PCCA: variants seen among roughly 807,000 people sequenced by gnomAD.
The protein encoded by PCCA is propionyl-CoA carboxylase alpha chain, mitochondrial.
In PCCA, 74 loss-of-function variants were observed where a neutral mutation model predicts 101.3. The ratio of observed to expected loss-of-function variants is 0.73; its 90% confidence interval spans 0.61 to 0.89. PCCA has a LOEUF of 0.89. PCCA is among the 40% of genes least tolerant of loss of function. PCCA has a pLI of 0.00. For synonymous variants in PCCA, 294 were observed against 313.6 expected, an observed-to-expected ratio of 0.94 and a Z score of 0.66; for missense variants, 891 against 907.0, an observed-to-expected ratio of 0.98 and a Z score of 0.23.
intron 19 of PCCA, among the ~76,000 whole-genome samples, chr13:100,372,358 A>AAAAC (rs1259877372): frequency 1.3e-5 from 2 of 151,856 alleles, no homozygotes; most frequent in African/African-American, 4.8e-5. Flanking sequence ...TCTCAAAAAC[A>AAAAC]AAACAAAACA....
At chr13:100,503,759 T>C (rs1378884827) in intron 21 of PCCA, among the ~76,000 whole-genome samples, 2 of 151,968 alleles carry the variant, frequency 1.3e-5, no homozygotes, top group African/African-American at 4.8e-5. Context: ...TAAAAAAAAA[T>C]TAGCCGGGCA....
At chr13:100,157,607 A>G (rs974420631) in intron 6 of PCCA, among the ~76,000 whole-genome samples, 2 of 152,242 alleles carry the variant, frequency 1.3e-5, no homozygotes, top group African/African-American at 4.8e-5. Flanking sequence ...TTTGAATTAA[A>G]GTTAAAAACT....
chr13:100,274,758 G>A (rs1023558025), intron 12 of PCCA, among the ~76,000 whole-genome samples: 3 of 152,082 alleles, frequency 2.0e-5, no homozygotes, highest in East Asian at 1.9e-4. Flanking sequence ...CATTTAGTAC[G>A]GCCTCATCAT....
At chr13:100,319,215 T>A (rs1409955248) in intron 16 of PCCA, among the ~76,000 whole-genome samples, 10 of 152,156 alleles carry the variant, frequency 6.6e-5, no homozygotes, top group Admixed American at 2.6e-4. Flanking sequence ...GTTTGAGTTC[T>A]TTGTAGATTC....
chr13:100,459,236 G>A (rs1458193269), intron 21 of PCCA, among the ~76,000 whole-genome samples: 1 of 152,116 alleles, frequency 6.6e-6, no homozygotes, highest in Admixed American at 6.5e-5. Context: ...CATTATGTCT[G>A]CAAAGACCCT....
At chr13:100,219,602 T>G (rs538570748) in intron 7 of PCCA, among the ~76,000 whole-genome samples, 3 of 152,278 alleles carry the variant, frequency 2.0e-5, no homozygotes, top group Admixed American at 2.0e-4. Flanking sequence ...GAGGGAGAGC[T>G]TGTGGAACAA....
chr13:100,513,964 C>T (rs930175644), intron 21 of PCCA, among the ~76,000 whole-genome samples: 4 of 152,164 alleles, frequency 2.6e-5, no homozygotes, highest in African/African-American at 9.7e-5. Flanking sequence ...CCACACCTTC[C>T]CCCATTGATT....
chr13:100,520,463 G>A (rs181084183), intron 22 of PCCA, among the ~76,000 whole-genome samples: 1,923 of 151,840 alleles, frequency 0.013, 11 homozygotes, highest in Non-Finnish European at 0.02. Flanking sequence ...GTGAAACCCC[G>A]TCTCTACTAA....
At chr13:100,206,043 A>C (rs571817757) in intron 6 of PCCA, among the ~76,000 whole-genome samples, 1 of 152,090 alleles carries the variant, frequency 6.6e-6, no homozygotes, top group Non-Finnish European at 1.5e-5. Flanking sequence ...TGTGCTTTAC[A>C]TTTTTGGGGA....
chr13:100,182,793 A>G (rs2056918757), intron 6 of PCCA, among the ~76,000 whole-genome samples: 1 of 152,040 alleles, frequency 6.6e-6, no homozygotes, highest in African/African-American at 2.4e-5. Context: ...CTCTGTCCCC[A>G]TGCCCCATTC....
At chr13:100,179,729 CTG>C (rs755349394) in intron 6 of PCCA, among the ~76,000 whole-genome samples, 4 of 150,016 alleles carry the variant, frequency 2.7e-5, no homozygotes, top group South Asian at 2.1e-4. Flanking sequence ...ATTTTCCTGT[CTG>C]TGTGTGTGTG....
intron 7 of PCCA, among the ~76,000 whole-genome samples, chr13:100,222,484 A>G (rs1250302658): frequency 6.6e-6 from 1 of 152,204 alleles, no homozygotes; most frequent in Non-Finnish European, 1.5e-5. Flanking sequence ...GGTTTCTGGT[A>G]TAGTGACTCC....
Position 100,257,613 on chromosome 13 carries a change from A to G in PCCA, c.656A>G (p.Lys219Arg), listed in dbSNP as rs1418780254. 2 of 1,613,482 alleles carry G rather than the reference A, an allele frequency of 1.2e-6. No homozygotes were observed. Among genetic ancestry groups the G allele is most frequent in the African/African-American group, 1.3e-5 (1 of 74,918 alleles). The change falls in exon 9 of 24, where the codon AAG becomes AGG. Residue 219 changes from lysine (K) to arginine (R), a missense_variant. Transcript: ENST00000376285. ...AREIGYPVMI[K>R]ASAGGGGKGM... Reference sequence around the variant, plus strand: ...CTGTTAGGCTACCCTGTCATGATCAAGGCCTCAGCAGGTGGTGGTGGGAAA... The same window carrying G: ...CTGTTAGGCTACCCTGTCATGATCAGGGCCTCAGCAGGTGGTGGTGGGAAA...
intron 21 of PCCA, among the ~76,000 whole-genome samples, chr13:100,467,930 A>G (rs1288425821): frequency 6.6e-6 from 1 of 152,196 alleles, no homozygotes; most frequent in African/African-American, 2.4e-5. Flanking sequence ...ATCAGAGGAA[A>G]CACTGTGGCA....
At chr13:100,480,533 G>A (rs73564391) in intron 21 of PCCA, among the ~76,000 whole-genome samples, 107 of 152,274 alleles carry the variant, frequency 7.0e-4, no homozygotes, top group South Asian at 3.5e-3. Context: ...TTACAAATGG[G>A]AGGTTGGCTA....
At chr13:100,210,163 GA>G (rs1185279869) in intron 7 of PCCA, among the ~76,000 whole-genome samples, 6 of 151,556 alleles carry the variant, frequency 4.0e-5, no homozygotes, top group Non-Finnish European at 8.8e-5. Flanking sequence ...ATTTTGTAGA[GA>G]TGAGGGTCTC....
At chr13:100,461,285 A>T (rs1049200764) in intron 21 of PCCA, among the ~76,000 whole-genome samples, 2 of 152,236 alleles carry the variant, frequency 1.3e-5, no homozygotes, top group African/African-American at 4.8e-5. Context: ...ATCTGATATC[A>T]TAGGACTCGA....
intron 4 of PCCA, among the ~76,000 whole-genome samples, chr13:100,142,627 C>T (rs1041878731): frequency 6.6e-6 from 1 of 152,040 alleles, no homozygotes; most frequent in South Asian, 2.1e-4. Context: ...GTGCGTGCCA[C>T]GACATCCAGC....
intron 20 of PCCA, among the ~76,000 whole-genome samples, chr13:100,429,860 G>A (rs955238887): frequency 2.0e-5 from 3 of 151,668 alleles, no homozygotes; most frequent in Non-Finnish European, 4.4e-5. Flanking sequence ...ACCTGCCTCA[G>A]CCTCCTAAAG....
Sources: gnomAD v4.1 joint callset for allele counts (sites outside exome capture counted in the v4.1 genomes callset) on GRCh38, gnomAD v4.1.1 for gene constraint, MANE v1.5 for transcripts, NCBI Gene and HGNC (gene_info 2026-07-23, HGNC 2026-07-21) for gene names.